TYW1: variants seen among roughly 807,000 people sequenced by gnomAD.
TYW1 encodes tRNA-yW synthesizing protein 1 homolog.
In TYW1, 46 loss-of-function variants were observed where a neutral mutation model predicts 96.2. The ratio of observed to expected loss-of-function variants is 0.48; its 90% CI spans 0.38 to 0.61. The LOEUF (loss-of-function observed/expected upper bound fraction) is 0.61, where lower values mean the gene tolerates loss of function less well. Among genes scored for constraint, TYW1 ranks in the 20% least tolerant of loss-of-function variants. The pLI is 0.00. For synonymous variants in TYW1, 274 were observed against 323.0 expected, an observed-to-expected ratio of 0.85 and a Z score of 1.63; for missense variants, 684 against 909.6, an observed-to-expected ratio of 0.75 and a Z score of 3.19.
chr7:67,004,275 C>T lies in TYW1; in HGVS notation c.274-5308C>T, dbSNP rs565956850. 4.1e-4 allele frequency among the ~76,000 whole-genome samples: 63 copies of T among 152,226 alleles called. 1 individual carries two copies. Among genetic ancestry groups the T allele is most frequent in the African/African-American group, 1.4e-3 (59 of 41,536 alleles). The stretch of plus-strand genomic sequence containing the variant: ...AAACTGATGTTGAAATTTGATCCCT[C>T]GTGTTGGTGATGGGCCTAATGGGAG... On this transcript the variant is annotated intron_variant, in intron 3 of 15. Transcript: ENST00000359626.
rs1800851427 is a variant in TYW1, at chr7:67,207,681, C to CGCCTTTTTTTTTT, written c.1977+12344_1977+12345insGCCTTTTTTTTTT. Among the ~76,000 whole-genome samples, 3 of 116,580 alleles carry CGCCTTTTTTTTTT rather than the reference C, an allele frequency of 2.6e-5. 1 individual carries two copies. The highest frequency in any genetic ancestry group is 5.3e-5 in the Non-Finnish European group (3 of 56,176). 76.5% of individuals were successfully genotyped at this position (116,580 alleles called of 152,430 possible). Reference sequence around the variant, plus strand: ...TATCTACTTCACAAATTTTGTTTGCCTTTTTTTTTTTTGGAGATGGAGTCA... The same window carrying CGCCTTTTTTTTTT: ...TATCTACTTCACAAATTTTGTTTGCCGCCTTTTTTTTTTTTTTTTTTTTTTGGAGATGGAGTCA... On this transcript the variant is annotated intron_variant, in intron 15 of 15. Transcript: ENST00000359626.
chr7:67,056,738 T>C (rs1297404034), intron 9 of TYW1, among the ~76,000 whole-genome samples: 3 of 152,216 alleles, frequency 2.0e-5, no homozygotes, highest in Admixed American at 6.5e-5. Context: ...AAAAGTGCTA[T>C]GAGCATTCTT....
chr7:67,063,703 C>A (rs903950966), intron 9 of TYW1, among the ~76,000 whole-genome samples: 15 of 152,104 alleles, frequency 9.9e-5, no homozygotes, highest in Non-Finnish European at 2.1e-4. Context: ...TTCCAGGTTC[C>A]CGTCATTCTC....
At chr7:67,233,099 A>G (rs894441420) in intron 15 of TYW1, among the ~76,000 whole-genome samples, 1 of 83,968 alleles carries the variant, frequency 1.2e-5, no homozygotes, top group African/African-American at 5.6e-5. Flanking sequence ...CTTAGGATTC[A>G]GCTCTCTTGG....
intron 13 of TYW1, among the ~76,000 whole-genome samples, chr7:67,158,416 T>C (rs1416972505): frequency 6.6e-6 from 1 of 152,020 alleles, no homozygotes; most frequent in Non-Finnish European, 1.5e-5. Flanking sequence ...GAATAGATGT[T>C]GGCTTTTGTC....
At chr7:67,000,588 C>T (rs1218309477) in intron 3 of TYW1, among the ~76,000 whole-genome samples, 2 of 152,052 alleles carry the variant, frequency 1.3e-5, no homozygotes, top group Non-Finnish European at 1.5e-5. Flanking sequence ...CGTGAGGCAC[C>T]GCTCCCAGCC....
intron 11 of TYW1, among the ~76,000 whole-genome samples, chr7:67,096,355 C>T (rs1279513303): frequency 6.6e-6 from 1 of 152,110 alleles, no homozygotes; most frequent in Non-Finnish European, 1.5e-5. Flanking sequence ...CCACTGCAAT[C>T]CAGCCTGGGT....
chr7:67,090,734 A>G (rs1796689085), intron 11 of TYW1, among the ~76,000 whole-genome samples: 1 of 152,106 alleles, frequency 6.6e-6, no homozygotes, highest in South Asian at 2.1e-4. Flanking sequence ...GATAATGGGA[A>G]ACAGCACTAT....
chr7:67,144,536 A>T (rs1172044085), intron 13 of TYW1, among the ~76,000 whole-genome samples: 1 of 152,004 alleles, frequency 6.6e-6, no homozygotes, highest in Admixed American at 6.6e-5. Flanking sequence ...CAGTGGCATG[A>T]TCTCAGCTCA....
chr7:67,128,469 G>C (rs1797970288), intron 13 of TYW1, among the ~76,000 whole-genome samples: 1 of 152,136 alleles, frequency 6.6e-6, no homozygotes, highest in Non-Finnish European at 1.5e-5. Context: ...CTTTGCATCT[G>C]GTCGGGTTAT....
intron 13 of TYW1, among the ~76,000 whole-genome samples, chr7:67,167,306 A>G (rs1799369141): frequency 6.6e-6 from 1 of 151,982 alleles, no homozygotes; most frequent in South Asian, 2.1e-4. Context: ...CGTCTCTACT[A>G]AAAATACAAA....
At chr7:67,029,437 A>ACATATATATATATATATATAT (rs746024597) in intron 7 of TYW1, among the ~76,000 whole-genome samples, 1 of 146,560 alleles carries the variant, frequency 6.8e-6, no homozygotes, top group African/African-American at 2.5e-5. Context: ...ATATATAAAT[A>ACATATATATATATATATATAT]GTATTTTCTA....
At chr7:67,121,951 GTTAACTTCAA>G (rs1375100059) in intron 13 of TYW1, among the ~76,000 whole-genome samples, 2 of 141,872 alleles carry the variant, frequency 1.4e-5, no homozygotes, top group Non-Finnish European at 3.0e-5. Context: ...TAAAAAATGT[GTTAACTTCAA>G]TTTCTGTCCG....
chr7:67,057,441 A>G (rs1449465756), intron 9 of TYW1, among the ~76,000 whole-genome samples: 2 of 149,682 alleles, frequency 1.3e-5, no homozygotes, highest in East Asian at 4.0e-4. Flanking sequence ...GCAATCTTGT[A>G]TCACTGCACC....
intron 7 of TYW1, among the ~76,000 whole-genome samples, chr7:67,026,548 C>G (rs1476949741): frequency 6.6e-6 from 1 of 151,954 alleles, no homozygotes. Context: ...TGATGGAATC[C>G]CAATAAAAAT....
chr7:67,161,136 A>G (rs1372063987), intron 13 of TYW1, among the ~76,000 whole-genome samples: 1 of 152,202 alleles, frequency 6.6e-6, no homozygotes, highest in Non-Finnish European at 1.5e-5. Flanking sequence ...GCTTTATAGT[A>G]AGCCTTGTTT....
chr7:67,029,415 G>GTATATATATATA lies in TYW1; in HGVS notation c.984+4400_984+4411dup, dbSNP rs55802244. Among the ~76,000 whole-genome samples, 541 of 94,280 alleles carry GTATATATATATA rather than the reference G, an allele frequency of 5.7e-3. 10 individuals are homozygous for GTATATATATATA. Among genetic ancestry groups the GTATATATATATA allele is most frequent in the Middle Eastern group, 0.013 (2 of 152 alleles). 61.9% of individuals were successfully genotyped at this position (94,280 alleles called of 152,430 possible). ...TGTGTGTGTGTGTGTGTGTGTGTGT[G>GTATATATATATA]TATATATATATATATATAAATAGTA... On this transcript the variant is annotated intron_variant, in intron 7 of 15. Transcript: ENST00000359626.
intron 7 of TYW1, among the ~76,000 whole-genome samples, chr7:67,043,588 G>T (rs1360487040): frequency 6.6e-6 from 1 of 152,112 alleles, no homozygotes; most frequent in Non-Finnish European, 1.5e-5. Context: ...TATTGCAGTG[G>T]AATAACAGGA....
At chr7:67,174,183 C>T (rs1479319336) in intron 13 of TYW1, among the ~76,000 whole-genome samples, 1 of 151,860 alleles carries the variant, frequency 6.6e-6, no homozygotes, top group East Asian at 1.9e-4. Flanking sequence ...CATTATGCTG[C>T]TTATCAGATT....
Sources: allele counts gnomAD v4.1 joint callset (sites outside exome capture counted in the v4.1 genomes callset), GRCh38; gene constraint gnomAD v4.1.1; transcripts MANE v1.5; gene names NCBI Gene and HGNC (gene_info 2026-07-23, HGNC 2026-07-21).